The following LAMB2 variants were observed in gnomAD, a reference collection of about 807,000 sequenced individuals.
The protein encoded by LAMB2 is laminin subunit beta 2, also known as laminin subunit beta-2.
Under a neutral mutation model 202.7 loss-of-function variants are expected in LAMB2, and 119 were observed. That is an observed-to-expected ratio of 0.59 (90% CI 0.51 to 0.68). The LOEUF is 0.68. Ranked by LOEUF, LAMB2 falls within the 30% of genes least tolerant of loss-of-function variation. The pLI, the probability that LAMB2 is intolerant of heterozygous loss-of-function variation, is 0.00. For missense variants in LAMB2, 2,124 were observed against 2,410.6 expected (o/e 0.88, Z 2.49); for synonymous variants, 818 against 902.2 (o/e 0.91, Z 1.67).
chr3:49,124,540 C>T lies in LAMB2; in HGVS notation c.3182G>A (p.Ser1061Asn), dbSNP rs1262205491. 6.2e-7 allele frequency: 1 copy of T among 1,613,716 alleles called. No homozygotes were observed. The highest frequency in any genetic ancestry group is 1.3e-5 in the African/African-American group (1 of 74,938). The change falls in exon 22 of 32, where the codon AGC becomes AAC. Residue 1061 changes from serine (S) to asparagine (N), a missense_variant. Ser to Asn is a conservative substitution (Grantham distance 46). Coordinates refer to ENST00000305544, the MANE Select transcript of LAMB2 (RefSeq NM_002292.4). ...PSPDQCHCDP[S>N]SGQCPCLPNV... ...GGGGAGGCATGGGCACTGCCCACTGCTTGGATCACAGTGGCACTGGTCAGG... is the reference window on the plus strand; with the variant it reads ...GGGGAGGCATGGGCACTGCCCACTGTTTGGATCACAGTGGCACTGGTCAGG...
rs775034663 is a variant in LAMB2 at position 49,132,234 on chromosome 3, C to T, written c.385+36G>A. 2 of 1,614,198 alleles carry T rather than the reference C, an allele frequency of 1.2e-6. No homozygotes were observed. The highest frequency in any genetic ancestry group is 1.7e-5 in the Admixed American group (1 of 60,032). On this transcript the variant is annotated intron_variant, in intron 3 of 31. Coordinates refer to ENST00000305544, the MANE Select transcript of LAMB2 (RefSeq NM_002292.4). This position sits in a 1 kb window ranked among gnomAD's most constrained non-coding sequence, Gnocchi z 4.6. ...TCAAGGACTCAAAGCTACTGGTGGG[C>T]AGCCCTGCTCACTTTTGCCCCACCC...
chr3:49,128,018 CAAAAAAAAAAAA>C (rs1156873652), intron 15 of LAMB2, among the ~76,000 whole-genome samples: 2 of 32,882 alleles, frequency 6.1e-5, no homozygotes, highest in East Asian at 8.3e-4. Flanking sequence ...GACTCCGTCT[CAAAAAAAAAAAA>C]AAAAAAAAAG....
At position 49,124,763 on chromosome 3, in the gene LAMB2, C is replaced by A; in HGVS notation, c.3047G>T (p.Gly1016Val). The A allele has an allele frequency of 6.2e-7, 1 of 1,614,196 alleles. No individual in the cohort carries two copies. The highest frequency in any genetic ancestry group is 8.5e-7 in the Non-Finnish European group (1 of 1,180,034). ...QCLRCLHHTEGPHCAHCKPGF... is the reference protein window; with the variant it reads ...QCLRCLHHTEVPHCAHCKPGF... Reference sequence around the variant, plus strand: ...AGGCTTGCAGTGGGCACAGTGTGGACCCTCTGTGTGGTGTAAACAGCGCAG... The same window carrying A: ...AGGCTTGCAGTGGGCACAGTGTGGAACCTCTGTGTGGTGTAAACAGCGCAG... Residue 1016 changes from glycine (G) to valine (V), a missense_variant, in exon 21 of 32, where the codon GGT (glycine) becomes GTT (valine). Coordinates refer to ENST00000305544, the MANE Select transcript of LAMB2 (RefSeq NM_002292.4).
chr3:49,129,550 C>T lies in LAMB2; in HGVS notation c.1518+54G>A. The T allele has an allele frequency of 6.9e-7, 1 of 1,441,092 alleles. No individual in the cohort carries two copies. The highest frequency in any genetic ancestry group is 1.4e-5 in the African/African-American group (1 of 71,618). The allele number at this position is 1,441,092 out of a possible 1,614,324, so 89.3% of individuals were successfully genotyped here. The stretch of plus-strand genomic sequence containing the variant: ...CTGGCATAGATGTGACACCCCAGCC[C>T]TGTGCTCTAAGGACAAATCATGCCC... On this transcript the variant is annotated intron_variant, in intron 11 of 31. Coordinates refer to ENST00000305544, the MANE Select transcript of LAMB2 (RefSeq NM_002292.4). This position sits in a 1 kb window ranked among gnomAD's most constrained non-coding sequence, Gnocchi z 6.1.
rs1437741420 is a variant in LAMB2, at chr3:49,124,047, C to G, written c.3478G>C (p.Gly1160Arg). ...ACCCCTGGGCGGCAGCTGCAGTGAC[C>G]TGTGAAGCGGTGACACTGAGGTGTA... Reference protein sequence around the residue: ...IDTPQCHRFTGHCSCRPGVSG... With the variant: ...IDTPQCHRFTRHCSCRPGVSG... The change falls in exon 24 of 32, where the codon GGT becomes CGT. Residue 1160 changes from glycine to arginine, a missense_variant. Transcript: ENST00000305544. The G allele has an allele frequency of 1.2e-6, 2 of 1,613,802 alleles. No individual in the cohort carries two copies. Among genetic ancestry groups the G allele is most frequent in the Non-Finnish European group, 8.5e-7 (1 of 1,180,012 alleles).
chr3:49,127,182 C>T (rs568640092), intron 15 of LAMB2, among the ~76,000 whole-genome samples: 29 of 152,134 alleles, frequency 1.9e-4, no homozygotes, highest in African/African-American at 6.7e-4. Flanking sequence ...GACAGGGTCT[C>T]GCCATGTTGC....
In LAMB2 at chr3:49,122,199, C is replaced by A; in HGVS notation, c.4745G>T (p.Arg1582Leu). 1 of 1,613,486 alleles carries A rather than the reference C, an allele frequency of 6.2e-7. No individual in the cohort carries two copies. ...ILARTVGDVRRAEQLLQDARR... is the reference protein window; with the variant it reads ...ILARTVGDVRLAEQLLQDARR... Reference sequence around the variant, plus strand: ...TGCATCCTGCAGTAGCTGCTCGGCACGACGCACATCTCCTACAGTACGTGC... The same window carrying A: ...TGCATCCTGCAGTAGCTGCTCGGCAAGACGCACATCTCCTACAGTACGTGC... Residue 1582 changes from arginine (R) to leucine (L), a missense_variant, in exon 28 of 32, where the codon CGT becomes CTT. Transcript: ENST00000305544.
At chr3:49,121,903 GC>G (rs1560066054) in intron 29 of LAMB2, 40 bp downstream of exon 29, 5 of 1,613,690 alleles carry the variant, frequency 3.1e-6, no homozygotes, top group Non-Finnish European at 4.2e-6. Flanking sequence ...TACGGTTCAT[GC>G]CCATAACCTT....
In LAMB2 at chr3:49,125,463, C is replaced by T. The variant is rs1181759122; in HGVS notation, c.2510G>A (p.Gly837Glu). The part of the protein sequence containing the change: ...GCQACQCSHE[G>E]ALSSLCEKTS... ...CTTTTCACAGAGACTGCTGAGTGCC[C>T]CCTCGTGGCTGCACTGGCAGGCTAG... The change falls in exon 19 of 32, where the codon GGG becomes GAG. Residue 837 changes from glycine (G) to glutamate (E), a missense_variant. By Grantham distance (98) the Gly-to-Glu change is moderately conservative. Coordinates refer to ENST00000305544, the MANE Select transcript of LAMB2 (RefSeq NM_002292.4). 6.2e-7 allele frequency: 1 copy of T among 1,606,224 alleles called. No homozygotes were observed. The highest frequency in any genetic ancestry group is 1.3e-5 in the African/African-American group (1 of 74,678).
chr3:49,126,183 C>G (rs946630688), intron 16 of LAMB2, 24 bp from the exon 17 acceptor site: 1 of 1,610,708 alleles, frequency 6.2e-7, no homozygotes, highest in South Asian at 1.1e-5. Flanking sequence ...CAAGGAAGAT[C>G]GCAGTTCAGA....
chr3:49,122,989 C>A lies in LAMB2; in HGVS notation c.4288G>T (p.Asp1430Tyr). Residue 1430 changes from aspartate (D) to tyrosine (Y), a missense_variant, in exon 27 of 32, where the codon GAT becomes TAT. By Grantham distance (160) the Asp-to-Tyr change is radical. Coordinates refer to ENST00000305544, the MANE Select transcript of LAMB2 (RefSeq NM_002292.4). The stretch of plus-strand genomic sequence containing the variant: ...CCACAGCGCGGCTGCCCATCCTCAT[C>A]TCGACAGCCGGCACCCCCACAAGGG... ...TSPCGGAGCR[D>Y]EDGQPRCGGL... The A allele has an allele frequency of 6.2e-7, 1 of 1,608,952 alleles. No individual in the cohort carries two copies.
In LAMB2 at chr3:49,122,347, T is replaced by A; in HGVS notation, c.4597A>T (p.Ile1533Phe). The A allele has an allele frequency of 6.2e-7, 1 of 1,613,416 alleles. No individual in the cohort carries two copies. The highest frequency in any genetic ancestry group is 8.5e-7 in the Non-Finnish European group (1 of 1,180,034). ...AGCACCCGTGTGGCCACCATTTCAATGCTATCAGGATCAGCCCCCTCCTCT... is the reference window on the plus strand; with the variant it reads ...AGCACCCGTGTGGCCACCATTTCAAAGCTATCAGGATCAGCCCCCTCCTCT... ...LNQEGADPDS[I>F]EMVATRVLEL... The change falls in exon 28 of 32, where the codon ATT (isoleucine) becomes TTT (phenylalanine). Residue 1533 changes from isoleucine to phenylalanine, a missense_variant. By Grantham distance (21) the Ile-to-Phe change is conservative. This residue lies in a region of LAMB2 where 1,702 missense variants were observed against 1,896.3 expected (regional missense o/e 0.90). Transcript: ENST00000305544.
In LAMB2 at chr3:49,121,989, C is replaced by T. The variant is rs148648480; in HGVS notation, c.4878G>A (p.Arg1626=). ...RAQGIAQGAI[R]GAVADTRDTE... ...TGTCCCGTGTGTCAGCCACTGCCCC[C>T]CGGATGGCACCCTGGGCAATACCCT... is the stretch of plus-strand genomic sequence containing the variant. The change falls in exon 29 of 32, where the codon CGG becomes CGA. Residue 1626 remains arginine, a synonymous_variant. Coordinates refer to ENST00000305544, the MANE Select transcript of LAMB2 (RefSeq NM_002292.4). 1.2e-4 allele frequency: 201 copies of T among 1,613,952 alleles called. 5 individuals are homozygous for T. In the East Asian group the frequency reaches 1.8e-3, roughly 15 times the overall value.
chr3:49,129,042 T>C lies in LAMB2; in HGVS notation c.1709A>G (p.Glu570Gly). ...FRPFLDHLIW[E>G]AEDTRGQVLD... Reference sequence around the variant, plus strand: ...CACCTGCCCTCGGGTGTCCTCAGCCTCCCAAATTAGGTGGTCCAGGAAGGG... The same window carrying C: ...CACCTGCCCTCGGGTGTCCTCAGCCCCCCAAATTAGGTGGTCCAGGAAGGG... The change falls in exon 13 of 32, where the codon GAG (glutamate) becomes GGG (glycine). Residue 570 changes from glutamate (E) to glycine (G), a missense_variant. Glu to Gly is a moderately conservative substitution (Grantham distance 98, BLOSUM62 -2). This residue lies in a region of LAMB2 where 1,702 missense variants were observed against 1,896.3 expected (regional missense o/e 0.90). Coordinates refer to ENST00000305544, the MANE Select transcript of LAMB2 (RefSeq NM_002292.4). The surrounding 1 kb of genome is among the most constrained non-coding windows in gnomAD (Gnocchi z 6.1). 2 of 1,611,602 alleles carry C rather than the reference T, an allele frequency of 1.2e-6. No individual in the cohort carries two copies. The highest frequency in any genetic ancestry group is 1.7e-6 in the Non-Finnish European group (2 of 1,180,002).
chr3:49,128,927 T>C, intron 13 of LAMB2, 93 bp downstream of exon 13: 1 of 1,598,878 alleles, frequency 6.3e-7, no homozygotes, highest in Non-Finnish European at 8.5e-7. Context: ...ATCACCCCTA[T>C]CCCCTCAACA....
rs778044225 is a variant in LAMB2, at chr3:49,128,733, C to G, written c.1818G>C (p.Gln606His). 10 of 1,614,044 alleles carry G rather than the reference C, an allele frequency of 6.2e-6. No homozygotes were observed. Among genetic ancestry groups the G allele is most frequent in the Non-Finnish European group, 7.6e-6 (9 of 1,180,052 alleles). ...GSGFVRLQEG[Q>H]TLEFLVASVP... Reference sequence around the variant, plus strand: ...CAGAGGCCACCAGGAACTCCAGGGTCTGACCTTCCTGTAGCCGCACGAAGC... The same window carrying G: ...CAGAGGCCACCAGGAACTCCAGGGTGTGACCTTCCTGTAGCCGCACGAAGC... The change falls in exon 14 of 32, where the codon CAG becomes CAC. Residue 606 changes from glutamine to histidine, a missense_variant. Gln to His is a conservative substitution (Grantham distance 24, BLOSUM62 0). Around this residue, in one of 3 missense-constraint regions of LAMB2, gnomAD observed 1,702 missense variants for 1,896.3 expected, o/e 0.90. Transcript: ENST00000305544.
rs2045452970 is a variant in LAMB2 at position 49,129,051 on chromosome 3, A to T, written c.1700T>A (p.Leu567Gln). ...PGYFRPFLDH[L>Q]IWEAEDTRGQ... ...TCGGGTGTCCTCAGCCTCCCAAATTAGGTGGTCCAGGAAGGGCCGGAAGTA... is the reference window on the plus strand; with the variant it reads ...TCGGGTGTCCTCAGCCTCCCAAATTTGGTGGTCCAGGAAGGGCCGGAAGTA... The change falls in exon 13 of 32, where the codon CTA becomes CAA. Residue 567 changes from leucine to glutamine, a missense_variant. Leu to Gln is a moderately radical substitution (Grantham distance 113). This residue lies in a region of LAMB2 where 1,702 missense variants were observed against 1,896.3 expected (regional missense o/e 0.90). Coordinates refer to ENST00000305544, the MANE Select transcript of LAMB2 (RefSeq NM_002292.4). The surrounding 1 kb of genome is among the most constrained non-coding windows in gnomAD (Gnocchi z 6.1). The T allele has an allele frequency of 6.2e-7, 1 of 1,612,472 alleles. No homozygotes were observed. Among genetic ancestry groups the T allele is most frequent in the Non-Finnish European group, 8.5e-7 (1 of 1,180,024 alleles).
chr3:49,124,279 C>G lies in LAMB2; in HGVS notation c.3335G>C (p.Gly1112Ala). The change falls in exon 23 of 32, where the codon GGG becomes GCG. Residue 1112 changes from glycine to alanine, a missense_variant. Gly to Ala is a moderately conservative substitution (Grantham distance 60, BLOSUM62 0). This residue lies in a region of LAMB2 where 1,702 missense variants were observed against 1,896.3 expected (regional missense o/e 0.90). Coordinates refer to ENST00000305544, the MANE Select transcript of LAMB2 (RefSeq NM_002292.4). Reference sequence around the variant, plus strand: ...AAAGCCGGCACGGCAGTGGCACTGCCCTGTGAACTGGGGTGGGAACAAGGC... The same window carrying G: ...AAAGCCGGCACGGCAGTGGCACTGCGCTGTGAACTGGGGTGGGAACAAGGC... ...ARGPTCNEFTGQCHCRAGFGG... is the reference protein window; with the variant it reads ...ARGPTCNEFTAQCHCRAGFGG... The G allele has an allele frequency of 6.2e-7, 1 of 1,614,016 alleles. No individual in the cohort carries two copies. The highest frequency in any genetic ancestry group is 8.5e-7 in the Non-Finnish European group (1 of 1,180,040).
intron 28 of LAMB2, 36 bp from the exon 29 acceptor site, chr3:49,122,121 A>C: frequency 6.2e-7 from 1 of 1,613,402 alleles, no homozygotes; most frequent in Non-Finnish European, 8.5e-7. Context: ...TGGAGGTATC[A>C]AAACCAGGTG....
Sources: allele counts gnomAD v4.1 joint callset (sites outside exome capture counted in the v4.1 genomes callset), GRCh38; gene constraint gnomAD v4.1.1; regional missense constraint gnomAD v4.1.1; non-coding constraint Gnocchi (gnomAD v3.1); transcripts MANE v1.5; gene names NCBI Gene and HGNC (gene_info 2026-07-23, HGNC 2026-07-21).